SYNE2: variants seen among roughly 807,000 people sequenced by gnomAD.
SYNE2 encodes the protein spectrin repeat containing nuclear envelope protein 2.
A neutral mutation model predicts 856.3 loss-of-function variants in SYNE2; 431 were observed. That is an observed-to-expected ratio of 0.50 (90% CI 0.47 to 0.55). The LOEUF (loss-of-function observed/expected upper bound fraction) is 0.55, where lower values mean the gene tolerates loss of function less well. Among genes scored for constraint, SYNE2 ranks in the 20% least tolerant of loss-of-function variants. The pLI is 0.00. For synonymous variants in SYNE2, 2,923 were observed against 2,872.3 expected (o/e 1.02, Z -0.56); for missense variants, 8,129 against 8,023.2 (o/e 1.01, Z -0.50).
At chr14:64,082,760 G>A (rs1003546929) in intron 57 of SYNE2, among the ~76,000 whole-genome samples, 6 of 152,156 alleles carry the variant, frequency 3.9e-5, no homozygotes, top group Non-Finnish European at 8.8e-5. Context: ...TAAGTTTGTG[G>A]TAATTAGTTA....
At chr14:63,810,775 G>T (rs1198889953) in intron 1 of SYNE2, among the ~76,000 whole-genome samples, 1 of 152,176 alleles carries the variant, frequency 6.6e-6, no homozygotes, top group Non-Finnish European at 1.5e-5. Flanking sequence ...TTTGTAAACG[G>T]AATTGAAATA....
At position 64,143,916 on chromosome 14, in the gene SYNE2, T is replaced by G; in HGVS notation, c.15451T>G (p.Trp5151Gly). The stretch of plus-strand genomic sequence containing the variant: ...GCACCTGGGGGAGATGAACCGCCAG[T>G]GGCACCGTGTACATGGAATGCTGAA... ...AEHLGEMNRQ[W>G]HRVHGMLNRK... is the part of the protein sequence containing the mutation. The change falls in exon 83 of 116, where the codon TGG becomes GGG. Residue 5151 changes from tryptophan to glycine, a missense_variant. Transcript: ENST00000555002. The G allele has an allele frequency of 6.2e-7, 1 of 1,614,176 alleles. No homozygotes were observed. Among genetic ancestry groups the G allele is most frequent in the Non-Finnish European group, 8.5e-7 (1 of 1,180,024 alleles).
intron 26 of SYNE2, 127 bp downstream of exon 26, chr14:63,998,455 A>C: frequency 1.5e-6 from 1 of 664,782 alleles, no homozygotes; most frequent in Non-Finnish European, 2.7e-6. Flanking sequence ...TAACTTAGAA[A>C]TTCTATGGTA....
intron 1 of SYNE2, among the ~76,000 whole-genome samples, chr14:63,791,340 A>C (rs1378598351): frequency 6.6e-6 from 1 of 152,210 alleles, no homozygotes; most frequent in Non-Finnish European, 1.5e-5. Flanking sequence ...ACTGAAATGC[A>C]AATGTAACAA....
chr14:64,110,780 C>T (rs2097800192), intron 65 of SYNE2, among the ~76,000 whole-genome samples: 1 of 151,946 alleles, frequency 6.6e-6, no homozygotes, highest in African/African-American at 2.4e-5. Flanking sequence ...TTCTCAGAAG[C>T]AACATGGTAA....
In SYNE2 at chr14:64,052,819, T is replaced by G; in HGVS notation, c.8906T>G (p.Leu2969Arg). The change falls in exon 48 of 116, where the codon CTT becomes CGT. Residue 2969 changes from leucine (L) to arginine (R), a missense_variant. This residue lies in a region of SYNE2 where 5,410 missense variants were observed against 5,284.8 expected (regional missense o/e 1.02). Coordinates refer to ENST00000555002, the MANE Select transcript of SYNE2 (RefSeq NM_182914.3). ...ADSIQRNELL[L>R]NQEVNKGVKE... ...AGTATACAGCGCAATGAACTATTACTTAATCAAGAAGTAAATAAAGGTGTT... is the reference window on the plus strand; with the variant it reads ...AGTATACAGCGCAATGAACTATTACGTAATCAAGAAGTAAATAAAGGTGTT... The G allele has an allele frequency of 6.2e-7, 1 of 1,612,506 alleles. No homozygotes were observed. Among genetic ancestry groups the G allele is most frequent in the Non-Finnish European group, 8.5e-7 (1 of 1,179,704 alleles).
At chr14:63,903,811 C>CT (rs35370942) in intron 1 of SYNE2, among the ~76,000 whole-genome samples, 82,011 of 145,842 alleles carry the variant, frequency 0.56, 23,454 homozygotes, top group South Asian at 0.7. Flanking sequence ...AATGGCCATT[C>CT]TTTTTTTTTT....
intron 53 of SYNE2, among the ~76,000 whole-genome samples, chr14:64,075,020 CG>C (rs2097446705): frequency 6.6e-6 from 1 of 152,012 alleles, no homozygotes; most frequent in Admixed American, 6.6e-5. Flanking sequence ...GTAGATAAAA[CG>C]GGATGACACT....
In SYNE2 at chr14:64,188,794, G is replaced by A. The variant is rs886099889; in HGVS notation, c.17871+86G>A. The A allele has an allele frequency of 3.8e-5, 53 of 1,377,840 alleles. No individual in the cohort carries two copies. The South Asian group carries it at 6.0e-4, about 16-fold the overall frequency. 85.4% of individuals were successfully genotyped at this position (1,377,840 alleles called of 1,614,324 possible). ...ACTCCTAAGCCCAAACAGGGGCAAT[G>A]TTACGGGTGTTTCCAGTAGCATTTT... On this transcript the variant is annotated intron_variant, in intron 98 of 115. Transcript: ENST00000555002.
intron 96 of SYNE2, among the ~76,000 whole-genome samples, chr14:64,181,620 C>G (rs1374878341): frequency 2.0e-5 from 3 of 152,154 alleles, no homozygotes; most frequent in Non-Finnish European, 2.9e-5. Flanking sequence ...CAAAGCTTGT[C>G]CAGGTCAGTG....
chr14:63,791,044 GC>G (rs1887713155), intron 1 of SYNE2, among the ~76,000 whole-genome samples: 1 of 151,898 alleles, frequency 6.6e-6, no homozygotes, highest in Admixed American at 6.6e-5. Context: ...TGCAAACTCT[GC>G]CTCCCAGGTT....
intron 1 of SYNE2, among the ~76,000 whole-genome samples, chr14:63,769,471 T>A (rs1030354914): frequency 4.6e-5 from 7 of 151,898 alleles, no homozygotes; most frequent in African/African-American, 1.7e-4. Context: ...ATCGAGACCA[T>A]CTTGGCTAAC....
chr14:64,157,533 G>A (rs1342653561), intron 85 of SYNE2, among the ~76,000 whole-genome samples: 2 of 152,068 alleles, frequency 1.3e-5, no homozygotes, highest in African/African-American at 2.4e-5. Context: ...CTCATGAATC[G>A]TGCTGCTATG....
intron 61 of SYNE2, among the ~76,000 whole-genome samples, chr14:64,097,484 T>C (rs972167395): frequency 1.3e-5 from 2 of 152,238 alleles, no homozygotes; most frequent in African/African-American, 4.8e-5. Flanking sequence ...ACATGTCTCC[T>C]GGGGACATGC....
At chr14:63,934,837 G>GTT (rs913340479) in intron 2 of SYNE2, among the ~76,000 whole-genome samples, 1 of 152,070 alleles carries the variant, frequency 6.6e-6, no homozygotes, top group Non-Finnish European at 1.5e-5. Context: ...AGTAATCTTT[G>GTT]TTTTTGTTGT....
chr14:64,024,510 A>G (rs2096962280), intron 39 of SYNE2, 51 bp downstream of exon 39: 3 of 1,558,334 alleles, frequency 1.9e-6, no homozygotes, highest in Non-Finnish European at 2.6e-6. Context: ...CCATATCTTT[A>G]TTTGTACTCT....
intron 1 of SYNE2, among the ~76,000 whole-genome samples, chr14:63,902,181 C>T (rs375202582): frequency 3.3e-5 from 5 of 151,860 alleles, no homozygotes; most frequent in Non-Finnish European, 7.4e-5. Context: ...GTGGCTGAGG[C>T]GGGCTGATTA....
intron 1 of SYNE2, among the ~76,000 whole-genome samples, chr14:63,863,085 A>T (rs928783262): frequency 2.6e-5 from 4 of 152,210 alleles, no homozygotes; most frequent in South Asian, 2.1e-4. Flanking sequence ...GGCCTGAGCC[A>T]CCGTGCCTGG....
chr14:63,791,658 T>C (rs1001387765), intron 1 of SYNE2, among the ~76,000 whole-genome samples: 2 of 152,076 alleles, frequency 1.3e-5, no homozygotes, highest in Admixed American at 6.6e-5. Flanking sequence ...AAATAAAAAC[T>C]TAAGGCTGGA....
Sources: allele counts gnomAD v4.1 joint callset (sites outside exome capture counted in the v4.1 genomes callset), GRCh38; gene constraint gnomAD v4.1.1; regional missense constraint gnomAD v4.1.1; transcripts MANE v1.5; gene names NCBI Gene and HGNC (gene_info 2026-07-23, HGNC 2026-07-21).